PCDH1: variants seen among roughly 807,000 people sequenced by gnomAD.
PCDH1 encodes the protein protocadherin 1.
Under a neutral mutation model 74.6 loss-of-function variants are expected in PCDH1, and 23 were observed. That is an observed-to-expected ratio of 0.31 (90% CI 0.22 to 0.44). PCDH1 has a LOEUF of 0.44. Among genes scored for constraint, PCDH1 ranks in the 20% least tolerant of loss-of-function variants. The pLI is 1.00. For missense variants in PCDH1, 1,214 were observed against 1,641.4 expected, an observed-to-expected ratio of 0.74 and a Z score of 4.50; for synonymous variants, 647 against 686.1, an observed-to-expected ratio of 0.94 and a Z score of 0.89.
Position 141,863,122 on chromosome 5 carries a change from C to T in PCDH1, c.3099+110G>A, listed in dbSNP as rs371583434. ...TGCTGGCTCAGGCTGGCCCCCAACACGGGCAGGCACAGTAAACCTGCTCCA... is the reference window on the plus strand; with the variant it reads ...TGCTGGCTCAGGCTGGCCCCCAACATGGGCAGGCACAGTAAACCTGCTCCA... On this transcript the variant is annotated intron_variant, in intron 3 of 4. Transcript: ENST00000287008. This position sits in a 1 kb window ranked among gnomAD's most constrained non-coding sequence, Gnocchi z 7.5. 52 of 1,427,002 alleles carry T rather than the reference C, an allele frequency of 3.6e-5. No homozygotes were observed. The highest frequency in any genetic ancestry group is 3.1e-4 in the African/African-American group (22 of 70,780). 88.4% of individuals were successfully genotyped at this position (1,427,002 alleles called of 1,614,324 possible). A position where few individuals can be genotyped will look rare whatever the true frequency, so the allele number is the denominator to read the frequency against.
chr5:141,872,242 T>C (rs1753113674), intron 1 of PCDH1, among the ~76,000 whole-genome samples: 1 of 151,286 alleles, frequency 6.6e-6, no homozygotes, highest in African/African-American at 2.4e-5. Context: ...CTTATGGGAC[T>C]GTATCCTGCT....
chr5:141,867,425 T>C (rs747938112), intron 2 of PCDH1: 87 of 348,114 alleles, frequency 2.5e-4, no homozygotes, highest in Non-Finnish European at 4.1e-4. Context: ...TTTTCTAATC[T>C]GTTTGGGCCC....
At position 141,864,112 on chromosome 5, in the gene PCDH1, G is replaced by A. The variant is rs1201677468; in HGVS notation, c.2219C>T (p.Ala740Val). Residue 740 changes from alanine (A) to valine (V), a missense_variant, in exon 3 of 5, where the codon GCA becomes GTA. This residue lies in a region of PCDH1 where 836 missense variants were observed against 1,182.2 expected (regional missense o/e 0.71). Transcript: ENST00000287008. The surrounding 1 kb of genome is among the most constrained non-coding windows in gnomAD (Gnocchi z 5.9). Reference protein sequence around the residue: ...TRLGETVSQVAAEDFDSGVNA... With the variant: ...TRLGETVSQVVAEDFDSGVNA... ...GACACCAGAGTCAAAGTCCTCGGCT[G>A]CCACCTGGCTGACCGTCTCACCAAG... The A allele has an allele frequency of 1.2e-6, 2 of 1,610,280 alleles. No homozygotes were observed. Among genetic ancestry groups the A allele is most frequent in the African/African-American group, 1.3e-5 (1 of 74,872 alleles).
chr5:141,854,930 C>T (rs1386419842), intron 4 of PCDH1, among the ~76,000 whole-genome samples: 1 of 150,250 alleles, frequency 6.7e-6, no homozygotes, highest in African/African-American at 2.5e-5. Flanking sequence ...CCTTGACCTC[C>T]CAAAGTGTTG....
Position 141,865,163 on chromosome 5 carries a change from G to A in PCDH1, c.1168C>T (p.Arg390Trp), listed in dbSNP as rs1420520480. 1.2e-6 allele frequency: 2 copies of A among 1,613,968 alleles called. No homozygotes were observed. The highest frequency in any genetic ancestry group is 1.7e-6 in the Non-Finnish European group (2 of 1,180,030). Residue 390 changes from arginine to tryptophan, a missense_variant, in exon 3 of 5, where the codon CGG becomes TGG. Arg to Trp is a moderately radical substitution (Grantham distance 101). This residue lies in a region of PCDH1 where 836 missense variants were observed against 1,182.2 expected (regional missense o/e 0.71). Coordinates refer to ENST00000287008, the MANE Select transcript of PCDH1 (RefSeq NM_032420.5). The surrounding 1 kb of genome is among the most constrained non-coding windows in gnomAD (Gnocchi z 4.4). ...MNDNAPTIEI[R>W]GIGLVTHQDG... ...TGATGAGTCACTAGCCCTATGCCCCGGATCTCAATGGTGGGGGCATTGTCA... is the reference window on the plus strand; with the variant it reads ...TGATGAGTCACTAGCCCTATGCCCCAGATCTCAATGGTGGGGGCATTGTCA...
In PCDH1 at chr5:141,863,427, G is replaced by A; in HGVS notation, c.2904C>T (p.His968=). 6.4e-7 allele frequency: 1 copy of A among 1,561,602 alleles called. No homozygotes were observed. The highest frequency in any genetic ancestry group is 8.7e-7 in the Non-Finnish European group (1 of 1,153,054). ...AAGGCAGTGGGGAGTTAGAGCGATA[G>A]TGGCGGCCCAGGTCAGGGCTGCCTG... The part of the protein sequence containing the change: ...YPPGSPDLGR[H]YRSNSPLPSI... Residue 968 remains histidine, a synonymous_variant, in exon 3 of 5, where the codon CAC becomes CAT. Coordinates refer to ENST00000287008, the MANE Select transcript of PCDH1 (RefSeq NM_032420.5). This position sits in a 1 kb window ranked among gnomAD's most constrained non-coding sequence, Gnocchi z 7.5.
In PCDH1 at chr5:141,868,033, A is replaced by G. The variant is rs1752926272; in HGVS notation, c.903+536T>C. 6.6e-6 allele frequency among the ~76,000 whole-genome samples: 1 copy of G among 152,122 alleles called. No individual in the cohort carries two copies. Among genetic ancestry groups the G allele is most frequent in the Admixed American group, 6.5e-5 (1 of 15,286 alleles). On this transcript the variant is annotated intron_variant, in intron 2 of 4. Coordinates refer to ENST00000287008, the MANE Select transcript of PCDH1 (RefSeq NM_032420.5). The surrounding 1 kb of genome is among the most constrained non-coding windows in gnomAD (Gnocchi z 4.8). Reference sequence around the variant, plus strand: ...TAGGGGAGGAGGCATGTATACAGACACCCTAGTATGTTTTTTCAGAACTCT... The same window carrying G: ...TAGGGGAGGAGGCATGTATACAGACGCCCTAGTATGTTTTTTCAGAACTCT...
intron 3 of PCDH1, among the ~76,000 whole-genome samples, chr5:141,860,097 G>A (rs80318397): frequency 0.061 from 9,261 of 152,180 alleles, 423 homozygotes; most frequent in East Asian, 0.14. Flanking sequence ...GCTCATCATT[G>A]ACAAGCTGAC....
chr5:141,855,081 C>T (rs1020076559), intron 4 of PCDH1, among the ~76,000 whole-genome samples: 5 of 152,070 alleles, frequency 3.3e-5, no homozygotes, highest in Non-Finnish European at 4.4e-5. Context: ...AGGCAATCCT[C>T]CCACCTCAGA....
intron 1 of PCDH1, among the ~76,000 whole-genome samples, chr5:141,874,893 CCA>C (rs1238295937): frequency 6.6e-6 from 1 of 152,050 alleles, no homozygotes; most frequent in African/African-American, 2.4e-5. Context: ...CAGAAGCCTC[CCA>C]CAGAGAGCAA....
At position 141,864,392 on chromosome 5, in the gene PCDH1, C is replaced by T. The variant is rs1306334699; in HGVS notation, c.1939G>A (p.Val647Met). The T allele has an allele frequency of 3.7e-6, 6 of 1,613,980 alleles. No individual in the cohort carries two copies. The Admixed American group carries it at 8.3e-5, about 22-fold the overall frequency. ...IDGDKGENAQ[V>M]QLSVEQDNGD... ...TTGTCCTGCTCCACTGAGAGCTGCA[C>T]CTGGGCATTCTCCCCCTTGTCTCCA... Residue 647 changes from valine (V) to methionine (M), a missense_variant, in exon 3 of 5, where the codon GTG (valine) becomes ATG (methionine). This residue lies in a region of PCDH1 where 836 missense variants were observed against 1,182.2 expected (regional missense o/e 0.71). Coordinates refer to ENST00000287008, the MANE Select transcript of PCDH1 (RefSeq NM_032420.5). The surrounding 1 kb of genome is among the most constrained non-coding windows in gnomAD (Gnocchi z 5.9).
Position 141,854,081 on chromosome 5 carries a change from C to T in PCDH1, c.3675G>A (p.Pro1225=), listed in dbSNP as rs372448527. The change falls in exon 5 of 5, where the codon CCG becomes CCA. Residue 1225 remains proline (P), a synonymous_variant. Transcript: ENST00000287008. ...QTSDFPPAAT[P]ASAQTAKREI... is the part of the protein sequence containing the mutation. ...CGCGCTTGGCCGTCTGGGCAGATGCCGGTGTGGCTGCGGGTGGGAAGTCCG... is the reference window on the plus strand; with the variant it reads ...CGCGCTTGGCCGTCTGGGCAGATGCTGGTGTGGCTGCGGGTGGGAAGTCCG... 146 of 1,539,902 alleles carry T rather than the reference C, an allele frequency of 9.5e-5. 1 individual carries two copies. The highest frequency in any genetic ancestry group is 2.0e-4 in the Middle Eastern group (1 of 5,074).
Position 141,865,326 on chromosome 5 carries a change from G to T in PCDH1, c.1005C>A (p.Asn335Lys), listed in dbSNP as rs1752775409. 3 of 1,614,194 alleles carry T rather than the reference G, an allele frequency of 1.9e-6. No individual in the cohort carries two copies. The East Asian group carries it at 6.7e-5, about 36-fold the overall frequency. ...VVRRLLRLDR[N>K]TGLITVQGPV... ...GGCCCTGAACAGTGATAAGTCCAGT[G>T]TTCCTGTCCAGTCGAAGAAGACGCC... The change falls in exon 3 of 5, where the codon AAC becomes AAA. Residue 335 changes from asparagine to lysine, a missense_variant. Transcript: ENST00000287008. The surrounding 1 kb of genome is among the most constrained non-coding windows in gnomAD (Gnocchi z 4.4).
intron 1 of PCDH1, among the ~76,000 whole-genome samples, chr5:141,877,656 GA>G: frequency 6.6e-6 from 1 of 152,316 alleles, no homozygotes; most frequent in Non-Finnish European, 1.5e-5. Context: ...CTGAGCTGGC[GA>G]CGGTGCCCCA....
intron 1 of PCDH1, among the ~76,000 whole-genome samples, chr5:141,875,235 T>A (rs1753191256): frequency 6.6e-6 from 1 of 152,170 alleles, no homozygotes; most frequent in South Asian, 2.1e-4. Context: ...ATAGACCATT[T>A]TATTTCCAGC....
chr5:141,868,817 G>A lies in PCDH1; in HGVS notation c.655C>T (p.Leu219=). The A allele has an allele frequency of 6.2e-7, 1 of 1,614,206 alleles. No individual in the cohort carries two copies. ...TCCTCCTGGTCCTCTGCCACCTGCA[G>A]CCCAAATAGCTCCTGGGCCTCAGGC... The part of the protein sequence containing the change: ...AGPEAQELFG[L]QVAEDQEEKQ... Residue 219 remains leucine (L), a synonymous_variant, in exon 2 of 5, where the codon CTG becomes TTG. Transcript: ENST00000287008. This position sits in a 1 kb window ranked among gnomAD's most constrained non-coding sequence, Gnocchi z 4.8.
chr5:141,877,066 T>C (rs1322940397), intron 1 of PCDH1, among the ~76,000 whole-genome samples: 1 of 152,162 alleles, frequency 6.6e-6, no homozygotes, highest in Non-Finnish European at 1.5e-5. Context: ...ACAATAATAA[T>C]GTCGCGATTA....
chr5:141,866,034 G>C (rs1185236565), intron 2 of PCDH1: 1 of 987,606 alleles, frequency 1.0e-6, no homozygotes, highest in Non-Finnish European at 1.2e-6. Context: ...ATATGTGTTT[G>C]TGCATATGTG....
At chr5:141,872,508 G>A (rs1753119449) in intron 1 of PCDH1, among the ~76,000 whole-genome samples, 1 of 152,176 alleles carries the variant, frequency 6.6e-6, no homozygotes, top group African/African-American at 2.4e-5. Flanking sequence ...AAAAATGACT[G>A]TTCACAAATT....
Sources: gnomAD v4.1 joint callset for allele counts (sites outside exome capture counted in the v4.1 genomes callset) on GRCh38, gnomAD v4.1.1 for gene constraint, gnomAD v4.1.1 regional missense constraint, Gnocchi (gnomAD v3.1) non-coding constraint, MANE v1.5 for transcripts, NCBI Gene and HGNC (gene_info 2026-07-23, HGNC 2026-07-21) for gene names.